Variants in HPGD observed in about 807,000 individuals in gnomAD.
HPGD encodes the protein 15-hydroxyprostaglandin dehydrogenase, also known as 15-hydroxyprostaglandin dehydrogenase [NAD(+)].
Under a neutral mutation model 30.0 loss-of-function variants are expected in HPGD, and 29 were observed. The ratio of observed to expected loss-of-function variants is 0.97; its 90% confidence interval spans 0.72 to 1.32. HPGD has a LOEUF of 1.32. HPGD is among the 40% of genes most tolerant of loss of function. HPGD has a pLI of 0.00. For missense variants in HPGD, 340 were observed against 322.1 expected (o/e 1.06, Z -0.43); for synonymous variants, 99 against 112.4 (o/e 0.88, Z 0.75).
chr4:174,493,292 C>A lies in HPGD; in HGVS notation c.521G>T (p.Ser174Ile). 1 of 1,613,214 alleles carries A rather than the reference C, an allele frequency of 6.2e-7. No individual in the cohort carries two copies. The highest frequency in any genetic ancestry group is 8.5e-7 in the Non-Finnish European group (1 of 1,179,362). Residue 174 changes from serine to isoleucine, a missense_variant, in exon 6 of 7, where the codon AGT (serine) becomes ATT (isoleucine). Transcript: ENST00000296522. ...ACAAATGGCATTCAGTCTCACACCA[C>A]TGTTCATAAGATTAGCAGCCAACTG... Reference protein sequence around the residue: ...SAALAANLMNSGVRLNAICPG... With the variant: ...SAALAANLMNIGVRLNAICPG...
At chr4:174,516,107 A>G (rs974122526) in intron 3 of HPGD, among the ~76,000 whole-genome samples, 2 of 152,218 alleles carry the variant, frequency 1.3e-5, no homozygotes, top group Non-Finnish European at 2.9e-5. Context: ...AACTTAAAAC[A>G]GAACTACCAT....
At chr4:174,511,659 G>A (rs897921471) in intron 3 of HPGD, among the ~76,000 whole-genome samples, 7 of 152,052 alleles carry the variant, frequency 4.6e-5, no homozygotes, top group Middle Eastern at 3.4e-3. Context: ...ATTTTATTTT[G>A]TTTTTGAGAC....
chr4:174,499,572 T>C (rs1291882325), intron 4 of HPGD, among the ~76,000 whole-genome samples: 1 of 152,238 alleles, frequency 6.6e-6, no homozygotes, highest in East Asian at 1.9e-4. Context: ...ACCTCCTATT[T>C]GCTCTACAAC....
intron 3 of HPGD, among the ~76,000 whole-genome samples, chr4:174,510,737 T>C (rs774239409): frequency 2.6e-5 from 4 of 152,216 alleles, no homozygotes; most frequent in Non-Finnish European, 4.4e-5. Flanking sequence ...TTTGGCTGTG[T>C]AGAAATGACA....
intron 4 of HPGD, among the ~76,000 whole-genome samples, chr4:174,502,492 C>A (rs1397008677): frequency 2.0e-5 from 3 of 152,016 alleles, no homozygotes; most frequent in South Asian, 2.1e-4. Context: ...TCCTGGCTAA[C>A]ACGGTGAAAC....
intron 2 of HPGD, among the ~76,000 whole-genome samples, chr4:174,521,330 A>T (rs993054877): frequency 1.3e-5 from 2 of 152,180 alleles, no homozygotes; most frequent in Admixed American, 6.5e-5. Flanking sequence ...GAGTAGCCGG[A>T]AACAGGAAAG....
chr4:174,522,542 G>A (rs1736216028), upstream of HPGD: 4 of 894,610 alleles, frequency 4.5e-6, no homozygotes, highest in African/African-American at 1.8e-5. Context: ...CGCGCGTGCA[G>A]CCCGGCGGGG....
chr4:174,506,964 A>G (rs1015657552), intron 4 of HPGD: 1 of 152,244 alleles, frequency 6.6e-6, no homozygotes, highest in Non-Finnish European at 1.5e-5. Context: ...GAAAGAATAC[A>G]GAGAATTATC....
At chr4:174,516,346 T>G (rs1027053524) in intron 3 of HPGD, among the ~76,000 whole-genome samples, 1 of 152,154 alleles carries the variant, frequency 6.6e-6, no homozygotes, top group African/African-American at 2.4e-5. Context: ...GCAACATGGA[T>G]GCAGCTGGAG....
At chr4:174,500,115 G>A (rs6835385) in intron 4 of HPGD, among the ~76,000 whole-genome samples, 4,775 of 152,186 alleles carry the variant, frequency 0.031, 249 homozygotes, top group African/African-American at 0.11. Context: ...CTCAGCCTGG[G>A]CAACACAGTG....
chr4:174,508,183 C>A (rs543139884), intron 4 of HPGD: 3 of 698,882 alleles, frequency 4.3e-6, no homozygotes, highest in African/African-American at 3.5e-5. Flanking sequence ...AGAAGAGATA[C>A]CTGCAACAAG....
intron 3 of HPGD, among the ~76,000 whole-genome samples, chr4:174,514,736 G>A (rs1735683721): frequency 6.6e-6 from 1 of 151,922 alleles, no homozygotes; most frequent in African/African-American, 2.4e-5. Flanking sequence ...ATCTTTTTTT[G>A]CAAACGGTAT....
chr4:174,507,309 A>G (rs1404911082), intron 4 of HPGD: 3 of 152,220 alleles, frequency 2.0e-5, no homozygotes, highest in African/African-American at 7.2e-5. Context: ...TAATAGCTTT[A>G]GGGACATGAT....
intron 5 of HPGD, among the ~76,000 whole-genome samples, chr4:174,493,892 G>C (rs541741904): frequency 3.0e-4 from 46 of 152,252 alleles, no homozygotes; most frequent in African/African-American, 1.1e-3. Flanking sequence ...AAATTTGCTT[G>C]CTAAAATTTA....
At chr4:174,498,732 TC>T (rs1734765237) in intron 4 of HPGD, among the ~76,000 whole-genome samples, 1 of 152,126 alleles carries the variant, frequency 6.6e-6, no homozygotes, top group Non-Finnish European at 1.5e-5. Context: ...TTTCTTTTTT[TC>T]CCTAATATAG....
At chr4:174,513,068 C>G (rs1414876360) in intron 3 of HPGD, among the ~76,000 whole-genome samples, 1 of 152,178 alleles carries the variant, frequency 6.6e-6, no homozygotes, top group African/African-American at 2.4e-5. Context: ...TCATTGCACA[C>G]TGTTTCTGAC....
chr4:174,495,820 G>A (rs994831983), intron 4 of HPGD, 196 bp from the exon 5 acceptor site: 37 of 594,828 alleles, frequency 6.2e-5, no homozygotes, highest in Non-Finnish European at 5.7e-5. Flanking sequence ...GACCCGTGTC[G>A]TCCAGAATTT....
chr4:174,512,558 C>T (rs17294646), intron 3 of HPGD, among the ~76,000 whole-genome samples: 6,161 of 151,928 alleles, frequency 0.041, 179 homozygotes, highest in Non-Finnish European at 0.062. Flanking sequence ...AGCAGAGTTT[C>T]AAAAAAGAGT....
chr4:174,520,776 C>T (rs1736062042), intron 2 of HPGD, among the ~76,000 whole-genome samples: 1 of 152,142 alleles, frequency 6.6e-6, no homozygotes. Context: ...ATCCTTGATC[C>T]AAAATATCAT....
Sources: gnomAD v4.1 joint callset for allele counts (sites outside exome capture counted in the v4.1 genomes callset) on GRCh38, gnomAD v4.1.1 for gene constraint, MANE v1.5 for transcripts, NCBI Gene and HGNC (gene_info 2026-07-23, HGNC 2026-07-21) for gene names.